The following MAN1A2 variants were observed in gnomAD, a reference collection of about 807,000 sequenced individuals.
MAN1A2 encodes the protein mannosyl-oligosaccharide 1,2-alpha-mannosidase IB.
Under a neutral mutation model 75.7 loss-of-function variants are expected in MAN1A2, and 26 were observed. The ratio of observed to expected loss-of-function variants is 0.34; its 90% CI spans 0.25 to 0.48. The LOEUF (loss-of-function observed/expected upper bound fraction) is 0.48, where lower values mean the gene tolerates loss of function less well. MAN1A2 is among the 20% of genes least tolerant of loss of function. MAN1A2 has a pLI of 0.99. For synonymous variants in MAN1A2, 247 were observed against 264.6 expected, an observed-to-expected ratio of 0.93 and a Z score of 0.65; for missense variants, 562 against 775.5, an observed-to-expected ratio of 0.72 and a Z score of 3.27.
At position 117,527,445 on chromosome 1, in the gene MAN1A2, C is replaced by G. The variant is rs1248154307; in HGVS notation, c.*4488C>G. ...CTTTTCTGTTTTGATTTACATAATT[C>G]ATTTTTAAATCAAAAAGATGTGCGT... On this transcript the variant is annotated 3_prime_UTR_variant, in exon 13 of 13. Coordinates refer to ENST00000356554, the MANE Select transcript of MAN1A2 (RefSeq NM_006699.5). The G allele has an allele frequency of 6.6e-6, 1 of 151,918 alleles. No homozygotes were observed. The highest frequency in any genetic ancestry group is 1.5e-5 in the Non-Finnish European group (1 of 67,894). 9.4% of individuals were successfully genotyped at this position (151,918 alleles called of 1,614,324 possible).
intron 5 of MAN1A2, among the ~76,000 whole-genome samples, chr1:117,436,973 G>A (rs1648869861): frequency 6.6e-6 from 1 of 152,118 alleles, no homozygotes; most frequent in Admixed American, 6.6e-5. Flanking sequence ...TTATTTGCAG[G>A]TTCATTTTAA....
At chr1:117,390,109 T>G (rs147426662) in intron 1 of MAN1A2, among the ~76,000 whole-genome samples, 1 of 152,208 alleles carries the variant, frequency 6.6e-6, no homozygotes, top group Admixed American at 6.5e-5. Context: ...TTTATTTATT[T>G]ATTATATTTG....
chr1:117,470,083 G>A (rs2101846536), intron 8 of MAN1A2, among the ~76,000 whole-genome samples: 1 of 152,176 alleles, frequency 6.6e-6, no homozygotes, highest in South Asian at 2.1e-4. Flanking sequence ...ACAGATGAAT[G>A]GGTAAACAAT....
intron 1 of MAN1A2, among the ~76,000 whole-genome samples, chr1:117,369,044 T>C (rs1652866984): frequency 6.6e-6 from 1 of 152,262 alleles, no homozygotes; most frequent in East Asian, 1.9e-4. Flanking sequence ...ATTTTTGTTC[T>C]TTTTTTGGGG....
chr1:117,494,672 A>G (rs1310852473), intron 9 of MAN1A2: 4 of 152,192 alleles, frequency 2.6e-5, no homozygotes, highest in South Asian at 2.1e-4. Context: ...AACTAAAGGT[A>G]CAACCAAGAA....
At chr1:117,419,055 C>T (rs1648104505) in intron 4 of MAN1A2, among the ~76,000 whole-genome samples, 2 of 152,008 alleles carry the variant, frequency 1.3e-5, no homozygotes, top group Admixed American at 1.3e-4. Flanking sequence ...TCAAGTTTGA[C>T]AATTCTGGGT....
At chr1:117,491,705 A>G (rs1650887196) in intron 8 of MAN1A2, among the ~76,000 whole-genome samples, 1 of 152,114 alleles carries the variant, frequency 6.6e-6, no homozygotes, top group Non-Finnish European at 1.5e-5. Flanking sequence ...GTAAATGGAA[A>G]ACCTTCGGGA....
At chr1:117,451,639 C>T (rs1024427323) in intron 6 of MAN1A2, among the ~76,000 whole-genome samples, 1 of 152,158 alleles carries the variant, frequency 6.6e-6, no homozygotes, top group Non-Finnish European at 1.5e-5. Flanking sequence ...ATAAGTCTCA[C>T]GAGATCTGAT....
rs112299081 is a variant in MAN1A2 at position 117,384,961 on chromosome 1, G to A, written c.302+16476G>A. 8.5e-4 allele frequency among the ~76,000 whole-genome samples: 130 copies of A among 152,102 alleles called. 4 individuals are homozygous for A. The highest frequency in any genetic ancestry group is 3.4e-4 in the African/African-American group (14 of 41,428). ...CATGAAGCATAGACGACGGAATTTGGAATTATATAGAAGAGTGGATTTGGA... is the reference window on the plus strand; with the variant it reads ...CATGAAGCATAGACGACGGAATTTGAAATTATATAGAAGAGTGGATTTGGA... On this transcript the variant is annotated intron_variant, in intron 1 of 12. Transcript: ENST00000356554.
chr1:117,446,094 C>T (rs1649227453), intron 6 of MAN1A2, among the ~76,000 whole-genome samples: 1 of 151,040 alleles, frequency 6.6e-6, no homozygotes, highest in South Asian at 2.1e-4. Context: ...TCTTGTGTTA[C>T]TTTGTTTTAC....
intron 6 of MAN1A2, among the ~76,000 whole-genome samples, chr1:117,449,994 G>A (rs959938874): frequency 6.6e-6 from 1 of 152,214 alleles, no homozygotes; most frequent in Non-Finnish European, 1.5e-5. Flanking sequence ...TACCAGTAGA[G>A]TGGGACATCG....
rs1647939988 is a variant in MAN1A2 at position 117,414,889 on chromosome 1, A to G, written c.774+58A>G. 4 of 1,024,720 alleles carry G rather than the reference A, an allele frequency of 3.9e-6. No homozygotes were observed. In the East Asian group the frequency reaches 9.5e-5, roughly 24 times the overall value. The allele number at this position is 1,024,720 out of a possible 1,614,324, so 63.5% of individuals were successfully genotyped here. ...TTAACCATGAAAAGACACAATGTCT[A>G]ACTGCTATGGTCTGAACATTTGTGC... On this transcript the variant is annotated intron_variant, in intron 4 of 12. Coordinates refer to ENST00000356554, the MANE Select transcript of MAN1A2 (RefSeq NM_006699.5).
chr1:117,431,183 AC>A (rs1373126990), intron 5 of MAN1A2, among the ~76,000 whole-genome samples: 1 of 74,362 alleles, frequency 1.3e-5, no homozygotes, highest in Non-Finnish European at 2.4e-5. Context: ...TGAGAGGGAG[AC>A]CGTGGGGAGA....
intron 6 of MAN1A2, among the ~76,000 whole-genome samples, chr1:117,458,523 A>ATATATATTTT (rs1553236643): frequency 1.9e-5 from 2 of 105,610 alleles, no homozygotes; most frequent in African/African-American, 6.9e-5. Flanking sequence ...ATATATATAT[A>ATATATATTTT]TTTTTTTTTT....
intron 6 of MAN1A2, among the ~76,000 whole-genome samples, chr1:117,460,065 T>TA (rs148646990): frequency 0.012 from 1,587 of 132,130 alleles, 17 homozygotes; most frequent in African/African-American, 0.032. Context: ...CGTACAACTG[T>TA]AAAAAAAAAA....
chr1:117,510,142 A>C (rs1356190452), intron 12 of MAN1A2, among the ~76,000 whole-genome samples: 1 of 151,862 alleles, frequency 6.6e-6, no homozygotes, highest in Non-Finnish European at 1.5e-5. Flanking sequence ...TTTTGCTCTT[A>C]TAAACAGTGC....
In MAN1A2 at chr1:117,420,604, A is replaced by G. The variant is rs766043194; in HGVS notation, c.810A>G (p.Arg270=). ...SEVSVFEVNI[R]FIGGLLAAYY... is the part of the protein sequence containing the mutation. ...TGTCTGTGTTTGAAGTCAACATTCG[A>G]TTTATTGGAGGCCTACTTGCAGCAT... The change falls in exon 5 of 13, where the codon CGA becomes CGG. Residue 270 remains arginine, a synonymous_variant. Coordinates refer to ENST00000356554, the MANE Select transcript of MAN1A2 (RefSeq NM_006699.5). 6 of 1,612,900 alleles carry G rather than the reference A, an allele frequency of 3.7e-6. No individual in the cohort carries two copies. The highest frequency in any genetic ancestry group is 2.7e-5 in the African/African-American group (2 of 74,856).
At chr1:117,403,545 T>G (rs912507519) in intron 2 of MAN1A2, among the ~76,000 whole-genome samples, 2 of 152,200 alleles carry the variant, frequency 1.3e-5, no homozygotes, top group Non-Finnish European at 2.9e-5. Context: ...GACCCCCAGA[T>G]GATCCTCAGG....
At chr1:117,424,115 T>C (rs901325289) in intron 5 of MAN1A2, among the ~76,000 whole-genome samples, 1 of 152,224 alleles carries the variant, frequency 6.6e-6, no homozygotes, top group African/African-American at 2.4e-5. Flanking sequence ...ATTTACCTTA[T>C]AAACAATCAT....
Sources: allele counts gnomAD v4.1 joint callset (sites outside exome capture counted in the v4.1 genomes callset), GRCh38; gene constraint gnomAD v4.1.1; transcripts MANE v1.5; gene names NCBI Gene and HGNC (gene_info 2026-07-23, HGNC 2026-07-21).